Variants in MAGT1 observed in about 807,000 individuals in gnomAD.
MAGT1 encodes the protein magnesium transporter 1.
A neutral mutation model predicts 28.4 loss-of-function variants in MAGT1; 4 were observed. The observed-to-expected ratio is 0.14, with a 90% CI of 0.07 to 0.32. The LOEUF (loss-of-function observed/expected upper bound fraction) is 0.32, where lower values mean the gene tolerates loss of function less well. Ranked by LOEUF, MAGT1 falls within the 10% of genes least tolerant of loss-of-function variation. MAGT1 has a pLI of 1.00. For synonymous variants in MAGT1, 89 were observed against 89.7 expected, an observed-to-expected ratio of 0.99 and a Z score of 0.04; for missense variants, 193 against 264.5, an observed-to-expected ratio of 0.73 and a Z score of 1.88.
At chrX:77,840,331 G>T (rs1288087463) in intron 8 of MAGT1, among the ~76,000 whole-genome samples, 1 of 108,703 alleles carries the variant, frequency 9.2e-6, no homozygotes, top group Non-Finnish European at 1.9e-5. Flanking sequence ...AGCTACTCAG[G>T]AGGCTGAGGC....
intron 8 of MAGT1, among the ~76,000 whole-genome samples, chrX:77,834,593 C>G (rs1193467597): frequency 9.1e-6 from 1 of 110,260 alleles, no homozygotes; most frequent in Non-Finnish European, 1.9e-5. Flanking sequence ...CTTGGCCTCC[C>G]AAAGCATTGG....
chrX:77,883,484 T>C (rs140535578), intron 1 of MAGT1, among the ~76,000 whole-genome samples: 1,096 of 108,721 alleles, frequency 0.01, 18 homozygotes, highest in African/African-American at 0.035. Flanking sequence ...TTCAGGCTCT[T>C]ATAAAACAAA....
intron 3 of MAGT1, among the ~76,000 whole-genome samples, chrX:77,860,962 GGTCGGGA>G (rs1444878338): frequency 9.0e-6 from 1 of 110,973 alleles, no homozygotes; most frequent in Non-Finnish European, 1.9e-5. Context: ...GATCACCTGA[GGTCGGGA>G]GTCCGCAACC....
intron 1 of MAGT1, among the ~76,000 whole-genome samples, chrX:77,876,135 TATATA>T (rs2077032977): frequency 4.3e-5 from 1 of 23,356 alleles, no homozygotes; most frequent in Non-Finnish European, 7.6e-5. Context: ...CTGGCCTTTA[TATATA>T]TATATATATA....
intron 6 of MAGT1, among the ~76,000 whole-genome samples, chrX:77,855,038 G>T (rs1557215835): frequency 1.8e-5 from 2 of 111,815 alleles, no homozygotes; most frequent in Admixed American, 9.6e-5. Flanking sequence ...GGGTGCGGTG[G>T]CTCATGCCTG....
Position 77,829,113 on chromosome X carries a change from A to G in MAGT1, c.*107T>C. ...GATTAACTATTTAAATCACTTGAAA[A>G]AAAGAGGTAATACAAAATATACAAG... On this transcript the variant is annotated 3_prime_UTR_variant, in exon 10 of 10. Coordinates refer to ENST00000618282, the MANE Select transcript of MAGT1 (RefSeq NM_001367916.1). 1 of 665,384 alleles carries G rather than the reference A, an allele frequency of 1.5e-6. No homozygotes were observed. Among genetic ancestry groups the G allele is most frequent in the Non-Finnish European group, 2.4e-6 (1 of 411,150 alleles). 54.8% of individuals were successfully genotyped at this position (665,384 alleles called of 1,213,427 possible).
At chrX:77,864,113 TG>T (rs1280441703) in intron 3 of MAGT1, among the ~76,000 whole-genome samples, 1 of 110,949 alleles carries the variant, frequency 9.0e-6, no homozygotes, top group Non-Finnish European at 1.9e-5. Context: ...TGGATGGAAC[TG>T]GAAGTTATTA....
chrX:77,889,624 G>A (rs1258998971), intron 1 of MAGT1, among the ~76,000 whole-genome samples: 2 of 109,644 alleles, frequency 1.8e-5, no homozygotes, highest in African/African-American at 6.6e-5. Flanking sequence ...GCCTGCCTCG[G>A]CCTCCCAAAG....
At chrX:77,836,119 T>C (rs1288794659) in intron 8 of MAGT1, among the ~76,000 whole-genome samples, 1 of 110,855 alleles carries the variant, frequency 9.0e-6, no homozygotes, top group African/African-American at 3.3e-5. Flanking sequence ...AGTCATTAAG[T>C]GAAACAATTC....
intron 3 of MAGT1, among the ~76,000 whole-genome samples, chrX:77,858,099 CTTTT>C (rs1189319870): frequency 8.9e-6 from 1 of 111,962 alleles, no homozygotes; most frequent in Non-Finnish European, 1.9e-5. Context: ...TGCATTATAT[CTTTT>C]TTTATTTTTT....
chrX:77,843,309 T>C (rs2149013273), intron 7 of MAGT1, among the ~76,000 whole-genome samples: 1 of 111,704 alleles, frequency 9.0e-6, no homozygotes, highest in African/African-American at 3.2e-5. Context: ...TAATCACAAC[T>C]CACTGCAACC....
chrX:77,854,034 G>T (rs782587834), intron 6 of MAGT1, 70 bp from the exon 7 acceptor site: 1 of 811,701 alleles, frequency 1.2e-6, no homozygotes, highest in South Asian at 2.1e-5. Flanking sequence ...ACCCTAAAAC[G>T]GGGTATTTTA....
chrX:77,889,374 A>AT (rs1290783511), intron 1 of MAGT1, among the ~76,000 whole-genome samples: 9 of 98,991 alleles, frequency 9.1e-5, no homozygotes, highest in African/African-American at 1.5e-4. Context: ...ATATATATAT[A>AT]TATTTTTTTT....
chrX:77,842,802 G>C (rs2076939224), intron 7 of MAGT1, among the ~76,000 whole-genome samples: 1 of 110,665 alleles, frequency 9.0e-6, no homozygotes. Flanking sequence ...ACTCCAGCCT[G>C]GGTGACAGAA....
intron 2 of MAGT1, among the ~76,000 whole-genome samples, chrX:77,873,761 T>C (rs868951932): frequency 4.4e-4 from 49 of 111,653 alleles, no homozygotes; most frequent in African/African-American, 1.5e-3. Flanking sequence ...TTATTATTTT[T>C]TGGTGGTGAG....
intron 7 of MAGT1, among the ~76,000 whole-genome samples, chrX:77,846,142 T>G (rs2076950883): frequency 9.0e-6 from 1 of 111,585 alleles, no homozygotes; most frequent in Non-Finnish European, 1.9e-5. Context: ...CTTTTTATTC[T>G]TTTTTCTCTA....
chrX:77,834,188 G>GTA (rs1478184840), intron 8 of MAGT1, among the ~76,000 whole-genome samples: 2 of 98,600 alleles, frequency 2.0e-5, no homozygotes, highest in Non-Finnish European at 4.0e-5. Context: ...ATGCATATAT[G>GTA]TATATATATG....
chrX:77,845,445 A>T (rs1439512277), intron 7 of MAGT1, among the ~76,000 whole-genome samples: 1 of 111,394 alleles, frequency 9.0e-6, no homozygotes, highest in African/African-American at 3.3e-5. Context: ...CTTACATTTA[A>T]GGTTAATATT....
At chrX:77,892,412 A>G (rs904434840) in intron 1 of MAGT1, among the ~76,000 whole-genome samples, 1 of 111,997 alleles carries the variant, frequency 8.9e-6, no homozygotes, top group Non-Finnish European at 1.9e-5. Context: ...GGAAAAACTA[A>G]ATCATCTTTA....
Sources: gnomAD v4.1 joint callset for allele counts (sites outside exome capture counted in the v4.1 genomes callset) on GRCh38, gnomAD v4.1.1 for gene constraint, MANE v1.5 for transcripts, NCBI Gene and HGNC (gene_info 2026-07-23, HGNC 2026-07-21) for gene names.